LILRB1: variants seen among roughly 807,000 people sequenced by gnomAD.
LILRB1 encodes the protein leukocyte immunoglobulin-like receptor subfamily B member 1.
LILRB1 carries 59 observed loss-of-function variants against 74.6 expected under a neutral mutation model. The ratio of observed to expected loss-of-function variants is 0.79; its 90% CI spans 0.64 to 0.98. LILRB1 has a LOEUF of 0.98. LILRB1 is among the 50% of genes least tolerant of loss of function. LILRB1 has a pLI of 0.00. For synonymous variants in LILRB1, 328 were observed against 333.9 expected (o/e 0.98, Z 0.19); for missense variants, 804 against 822.6 (o/e 0.98, Z 0.28).
intron 13 of LILRB1, 84 bp downstream of exon 13, chr19:54,635,693 C>T (rs778554550): frequency 1.8e-5 from 26 of 1,480,378 alleles, no homozygotes; most frequent in East Asian, 6.8e-5. Flanking sequence ...CTCCTTCCCC[C>T]GGCTCTCAGC....
Position 54,633,320 on chromosome 19 carries a change from TG to T in LILRB1, c.1261+7del. The T allele has an allele frequency of 6.2e-7, 1 of 1,613,124 alleles. No individual in the cohort carries two copies. Among genetic ancestry groups the T allele is most frequent in the South Asian group, 1.1e-5 (1 of 91,022 alleles). On this transcript the variant is annotated splice_donor_region_variant and intron_variant, in intron 7 of 14. Transcript: ENST00000324602. ...ACCCCCTGGAGCTCGTGGTCTCAGG[TG>T]GGGGCCTTGACCCTGTCCTCTCTGA...
At position 54,632,690 on chromosome 19, in the gene LILRB1, A is replaced by G. The variant is rs10425827; in HGVS notation, c.888A>G (p.Arg296=). 0.02 allele frequency: 32,396 copies of G among 1,611,974 alleles called. 3,642 individuals are homozygous for G. The African/African-American group carries it at 0.33, about 16-fold the overall frequency. Residue 296 remains arginine (R), a synonymous_variant, in exon 6 of 15, where the codon AGA becomes AGG. Transcript: ENST00000324602. Reference sequence around the variant, plus strand: ...GCCGCTCCTACGGGGGCCAGTACAGATGCTACGGTGCACACAACCTCTCCT... The same window carrying G: ...GCCGCTCCTACGGGGGCCAGTACAGGTGCTACGGTGCACACAACCTCTCCT... The part of the protein sequence containing the change: ...PVSRSYGGQY[R]CYGAHNLSSE...
intron 9 of LILRB1, 51 bp downstream of exon 9, chr19:54,634,072 G>A (rs542168602): frequency 1.3e-6 from 2 of 1,560,076 alleles, no homozygotes; most frequent in Admixed American, 1.9e-5. Flanking sequence ...GGGAGGCAGG[G>A]GTGGGTTCTG....
chr19:54,618,347 C>T (rs1415082160), intron 1 of LILRB1, among the ~76,000 whole-genome samples: 1 of 152,098 alleles, frequency 6.6e-6, no homozygotes, highest in East Asian at 1.9e-4. Context: ...GATGCTTCTT[C>T]AAGTTCACTT....
Position 54,636,474 on chromosome 19 carries a change from C to T in LILRB1, c.1654-20C>T, listed in dbSNP as rs751831954. The T allele has an allele frequency of 3.7e-5, 59 of 1,610,274 alleles. 1 individual carries two copies. The highest frequency in any genetic ancestry group is 2.3e-4 in the Admixed American group (14 of 59,938). ...GGTCAGGAGGATTCAAGGACACCCCCCACCACTGTCTCTCTCCAGCAGAGC... is the reference window on the plus strand; with the variant it reads ...GGTCAGGAGGATTCAAGGACACCCCTCACCACTGTCTCTCTCCAGCAGAGC... On this transcript the variant is annotated intron_variant, in intron 13 of 14. Transcript: ENST00000324602.
chr19:54,623,014 A>C (rs2063493740), intron 1 of LILRB1, among the ~76,000 whole-genome samples: 1 of 152,160 alleles, frequency 6.6e-6, no homozygotes, highest in Non-Finnish European at 1.5e-5. Flanking sequence ...GAATCAAGCC[A>C]ACTTGATCAT....
intron 1 of LILRB1, among the ~76,000 whole-genome samples, chr19:54,620,573 A>G (rs148366883): frequency 1.4e-4 from 22 of 152,348 alleles, no homozygotes; most frequent in African/African-American, 5.3e-4. Flanking sequence ...CCAAATGCAC[A>G]GGAGGTTATT....
At chr19:54,623,381 G>A (rs1463778908) in intron 1 of LILRB1, among the ~76,000 whole-genome samples, 2 of 152,080 alleles carry the variant, frequency 1.3e-5, no homozygotes, top group South Asian at 2.1e-4. Flanking sequence ...TTGCCTGTGC[G>A]ATCTTAGGAA....
At chr19:54,627,871 T>C (rs1052589104), upstream of LILRB1, among the ~76,000 whole-genome samples, 1 of 152,210 alleles carries the variant, frequency 6.6e-6, no homozygotes, top group African/African-American at 2.4e-5. Flanking sequence ...AGCTGAGTGT[T>C]TAAATGCTTC....
At position 54,636,625 on chromosome 19, in the gene LILRB1, G is replaced by A. The variant is rs62133433; in HGVS notation, c.1785G>A (p.Ala595=). 0.058 allele frequency: 86,039 copies of A among 1,472,594 alleles called. 8,381 individuals carry two copies. Among genetic ancestry groups the A allele is most frequent in the African/African-American group, 0.16 (10,716 of 68,462 alleles). 91.2% of individuals were successfully genotyped at this position (1,472,594 alleles called of 1,614,324 possible). A position where few individuals can be genotyped will look rare whatever the true frequency, so the allele number is the denominator to read the frequency against. ...GEFLDTKDRQ[A]EEDRQMDTEA... ...TCCTGGACACAAAGGACAGACAGGC[G>A]GAAGAGGACAGGCAGATGGACACTG... is the stretch of plus-strand genomic sequence containing the variant. Residue 595 remains alanine, a synonymous_variant, in exon 14 of 15, where the codon GCG becomes GCA. Transcript: ENST00000324602.
In LILRB1 at chr19:54,636,951, A is replaced by G; in HGVS notation, c.*73A>G. ...GGGAGCTGCCCCCCCAGTGGACACC[A>G]TTGGACCCCACCCAGCCTGGATCTA... On this transcript the variant is annotated 3_prime_UTR_variant, in exon 15 of 15. Transcript: ENST00000324602. 6.3e-7 allele frequency: 1 copy of G among 1,585,772 alleles called. No individual in the cohort carries two copies. The highest frequency in any genetic ancestry group is 8.6e-7 in the Non-Finnish European group (1 of 1,160,432).
At chr19:54,619,853 T>C (rs1024302927) in intron 1 of LILRB1, among the ~76,000 whole-genome samples, 3 of 151,996 alleles carry the variant, frequency 2.0e-5, no homozygotes, top group Non-Finnish European at 4.4e-5. Flanking sequence ...CTAGCTAAGA[T>C]GCCTTTGAAT....
chr19:54,632,940 T>G (rs1022006747), intron 6 of LILRB1, 76 bp from the exon 7 acceptor site: 18 of 1,566,590 alleles, frequency 1.1e-5, no homozygotes, highest in Non-Finnish European at 1.6e-5. Context: ...ACACTGAGGG[T>G]CCCAGAGGGA....
intron 8 of LILRB1, 141 bp downstream of exon 8, chr19:54,633,829 T>A (rs1451275467): frequency 7.0e-7 from 1 of 1,435,730 alleles, no homozygotes; most frequent in Admixed American, 2.3e-5. Flanking sequence ...GGCCACAGGG[T>A]CCCCAGGGCT....
At chr19:54,624,025 A>G (rs1002055548) in intron 1 of LILRB1, among the ~76,000 whole-genome samples, 3 of 152,128 alleles carry the variant, frequency 2.0e-5, no homozygotes, top group Non-Finnish European at 4.4e-5. Flanking sequence ...GCAGGTGGAT[A>G]TGGACCTGGT....
chr19:54,629,313 C>G (rs2063691008), upstream of LILRB1, among the ~76,000 whole-genome samples: 1 of 152,166 alleles, frequency 6.6e-6, no homozygotes, highest in African/African-American at 2.4e-5. Flanking sequence ...AGAAACAACT[C>G]TACTGAGAGA....
At chr19:54,623,275 T>A (rs79612392) in intron 1 of LILRB1, among the ~76,000 whole-genome samples, 5,030 of 152,332 alleles carry the variant, frequency 0.033, 104 homozygotes, top group South Asian at 0.053. Context: ...AAATTTCGAC[T>A]GTGAATCCAT....
chr19:54,624,908 G>A (rs1367120401), intron 1 of LILRB1, among the ~76,000 whole-genome samples: 1 of 149,044 alleles, frequency 6.7e-6, no homozygotes, highest in Admixed American at 6.7e-5. Flanking sequence ...CCAGGTGGGG[G>A]CAGGGTGGCT....
In LILRB1 at chr19:54,636,936, C is replaced by T. The variant is rs1599877324; in HGVS notation, c.*58C>T. 6.2e-6 allele frequency: 10 copies of T among 1,605,622 alleles called. No individual in the cohort carries two copies. In the East Asian group the frequency reaches 2.0e-4, roughly 32 times the overall value. Reference sequence around the variant, plus strand: ...GAGTCTGGAATGCATGGGAGCTGCCCCCCCAGTGGACACCATTGGACCCCA... The same window carrying T: ...GAGTCTGGAATGCATGGGAGCTGCCTCCCCAGTGGACACCATTGGACCCCA... On this transcript the variant is annotated 3_prime_UTR_variant, in exon 15 of 15. Transcript: ENST00000324602.
Sources: allele counts gnomAD v4.1 joint callset (sites outside exome capture counted in the v4.1 genomes callset), GRCh38; gene constraint gnomAD v4.1.1; transcripts MANE v1.5; gene names NCBI Gene and HGNC (gene_info 2026-07-23, HGNC 2026-07-21).